Variants in PIK3C2G observed in about 807,000 individuals in gnomAD.
PIK3C2G encodes the protein phosphatidylinositol 3-kinase C2 domain-containing subunit gamma.
A neutral mutation model predicts 181.1 loss-of-function variants in PIK3C2G; 168 were observed. The observed-to-expected ratio is 0.93, with a 90% CI of 0.82 to 1.05. The LOEUF (loss-of-function observed/expected upper bound fraction) is 1.05. PIK3C2G is among the 50% of genes least tolerant of loss of function. The probability of loss-of-function intolerance (pLI) is 0.00; values close to 1 mark genes in which losing one functional copy is unlikely to be tolerated. For missense variants in PIK3C2G, 1,869 were observed against 1,732.8 expected, an observed-to-expected ratio of 1.08 and a Z score of -1.40; for synonymous variants, 573 against 592.2, an observed-to-expected ratio of 0.97 and a Z score of 0.47.
Position 18,463,415 on chromosome 12 carries a change from AAAG to A in PIK3C2G, c.2505-25031_2505-25029del, listed in dbSNP as rs200336102. Among the ~76,000 whole-genome samples, 488 of 152,268 alleles carry A rather than the reference AAAG, an allele frequency of 3.2e-3. 2 individuals carry two copies. The highest frequency in any genetic ancestry group is 0.011 in the African/African-American group (469 of 41,566). On this transcript the variant is annotated intron_variant, in intron 18 of 32. Coordinates refer to ENST00000538779, the MANE Select transcript of PIK3C2G (RefSeq NM_001288772.2). ...AAATTGTTAGACTCCTCTCTGCCATAAAGAAATCTTTCACCTTTAATGCCTCAA... is the reference window on the plus strand; with the variant it reads ...AAATTGTTAGACTCCTCTCTGCCATAAAATCTTTCACCTTTAATGCCTCAA...
At chr12:18,650,730 A>ATATC (rs1565602793), downstream of PIK3C2G, among the ~76,000 whole-genome samples, 35 of 25,184 alleles carry the variant, frequency 1.4e-3, 1 homozygote, top group Non-Finnish European at 2.0e-3. Flanking sequence ...ATATATATAT[A>ATATC]TATATATATA....
At chr12:18,476,402 A>G (rs553577738) in intron 18 of PIK3C2G, among the ~76,000 whole-genome samples, 1 of 152,132 alleles carries the variant, frequency 6.6e-6, no homozygotes, top group African/African-American at 2.4e-5. Context: ...ACAAATCATG[A>G]AGTGCTCTGT....
chr12:18,466,218 C>T (rs1937861741), intron 18 of PIK3C2G, among the ~76,000 whole-genome samples: 1 of 151,078 alleles, frequency 6.6e-6, no homozygotes, highest in South Asian at 2.1e-4. Context: ...CTTTTTTATT[C>T]CCCCTTACTT....
At chr12:18,543,078 C>G (rs754888847) in intron 25 of PIK3C2G, among the ~76,000 whole-genome samples, 3 of 151,950 alleles carry the variant, frequency 2.0e-5, no homozygotes, top group Non-Finnish European at 4.4e-5. Context: ...TTAGTAATAG[C>G]CATTCTGACT....
intron 24 of PIK3C2G, among the ~76,000 whole-genome samples, chr12:18,537,254 T>C (rs1334709785): frequency 6.6e-6 from 1 of 152,038 alleles, no homozygotes; most frequent in Non-Finnish European, 1.5e-5. Flanking sequence ...AAAATAAGAA[T>C]TTCCCTCAAT....
upstream of PIK3C2G, among the ~76,000 whole-genome samples, chr12:18,244,572 G>A (rs10743261): frequency 0.43 from 65,345 of 151,608 alleles, 14,639 homozygotes; most frequent in East Asian, 0.75. Flanking sequence ...TGCATTTTAC[G>A]CTATCTCTAA....
rs185409127 is a variant in PIK3C2G at position 18,285,425 on chromosome 12, G to T, written c.679-1422G>T. The T allele has an allele frequency of 3.9e-5, 6 of 152,060 alleles. No individual in the cohort carries two copies. The East Asian group carries it at 1.2e-3, about 29-fold the overall frequency. 9.4% of individuals were successfully genotyped at this position (152,060 alleles called of 1,614,324 possible). A position where few individuals can be genotyped will look rare whatever the true frequency, so the allele number is the denominator to read the frequency against. ...ATCTAGGAAAGAGTGAAGAGTGATA[G>T]AAATAGTAAATATGTTGAATAATAC... On this transcript the variant is annotated intron_variant, in intron 2 of 32. Coordinates refer to ENST00000538779, the MANE Select transcript of PIK3C2G (RefSeq NM_001288772.2).
At chr12:18,686,198 T>G in the PIK3C2G span, among the ~76,000 whole-genome samples, 26 of 151,982 alleles carry the variant, frequency 1.7e-4, no homozygotes, top group African/African-American at 6.0e-4. Context: ...CACTGAAATT[T>G]TATCCTGACT....
At chr12:18,721,457 A>T in the PIK3C2G span, among the ~76,000 whole-genome samples, 1 of 152,100 alleles carries the variant, frequency 6.6e-6, no homozygotes, top group Non-Finnish European at 1.5e-5. Flanking sequence ...GAGGAAATGG[A>T]TGAACAGTAT....
the PIK3C2G span, chr12:18,683,285 C>T: frequency 6.2e-7 from 1 of 1,612,618 alleles, no homozygotes; most frequent in Non-Finnish European, 8.5e-7. Flanking sequence ...AGGCTCAAGG[C>T]TCTCACCCAT....
intron 6 of PIK3C2G, among the ~76,000 whole-genome samples, chr12:18,314,307 T>C (rs1317820368): frequency 6.6e-6 from 1 of 152,040 alleles, no homozygotes; most frequent in Non-Finnish European, 1.5e-5. Flanking sequence ...AATGTCTGTG[T>C]CCCCCCAAAA....
At chr12:18,423,849 T>C (rs907959113) in intron 17 of PIK3C2G, 96 bp from the exon 18 acceptor site, 12 of 712,672 alleles carry the variant, frequency 1.7e-5, no homozygotes, top group African/African-American at 1.8e-5. Flanking sequence ...ATATGCATGC[T>C]GTTTTCTCTA....
intron 16 of PIK3C2G, among the ~76,000 whole-genome samples, chr12:18,413,370 G>A (rs1329684882): frequency 3.3e-5 from 5 of 152,044 alleles, no homozygotes; most frequent in Non-Finnish European, 7.4e-5. Context: ...AACACTTAGA[G>A]AATAATGAAC....
At chr12:18,349,708 A>C (rs2137687162) in intron 11 of PIK3C2G, among the ~76,000 whole-genome samples, 1 of 152,260 alleles carries the variant, frequency 6.6e-6, no homozygotes, top group African/African-American at 2.4e-5. Flanking sequence ...AGATGAGATA[A>C]ATTTATCGTT....
intron 18 of PIK3C2G, among the ~76,000 whole-genome samples, chr12:18,450,401 C>T (rs926403624): frequency 2.2e-4 from 33 of 152,198 alleles, no homozygotes; most frequent in African/African-American, 7.0e-4. Flanking sequence ...GCTGGGATCA[C>T]AGGTGTGAGC....
At chr12:18,705,242 T>C in the PIK3C2G span, 1 of 1,614,016 alleles carries the variant, frequency 6.2e-7, no homozygotes, top group Non-Finnish European at 8.5e-7. Flanking sequence ...AGCCTGCAAA[T>C]TGTCTGCCAT....
In PIK3C2G at chr12:18,420,923, A is replaced by G; in HGVS notation, c.2316-18A>G. 2.2e-6 allele frequency: 3 copies of G among 1,338,120 alleles called. No individual in the cohort carries two copies. Among genetic ancestry groups the G allele is most frequent in the South Asian group, 1.2e-5 (1 of 85,048 alleles). 82.9% of individuals were successfully genotyped at this position (1,338,120 alleles called of 1,614,324 possible). A position where few individuals can be genotyped will look rare whatever the true frequency, so the allele number is the denominator to read the frequency against. On this transcript the variant is annotated intron_variant, in intron 16 of 32. Coordinates refer to ENST00000538779, the MANE Select transcript of PIK3C2G (RefSeq NM_001288772.2). ...CCTTACCATTAACAGCTTAGTGGATATATTTACTGTGTATTAGTTTTCCAG... is the reference window on the plus strand; with the variant it reads ...CCTTACCATTAACAGCTTAGTGGATGTATTTACTGTGTATTAGTTTTCCAG...
At chr12:18,399,194 C>CAAAGAAAAAAAAAAAA (rs1944088951) in intron 15 of PIK3C2G, among the ~76,000 whole-genome samples, 1 of 80,464 alleles carries the variant, frequency 1.2e-5, no homozygotes, top group Non-Finnish European at 2.7e-5. Flanking sequence ...GACTCCGTCT[C>CAAAGAAAAAAAAAAAA]AAAAAAAAAA....
chr12:18,547,973 G>A (rs1944522157), intron 26 of PIK3C2G, among the ~76,000 whole-genome samples: 1 of 151,952 alleles, frequency 6.6e-6, no homozygotes, highest in Admixed American at 6.6e-5. Context: ...GAACAGAAGG[G>A]CAGCGTCACA....
Sources: gnomAD v4.1 joint callset for allele counts (sites outside exome capture counted in the v4.1 genomes callset) on GRCh38, gnomAD v4.1.1 for gene constraint, MANE v1.5 for transcripts, NCBI Gene and HGNC (gene_info 2026-07-23, HGNC 2026-07-21) for gene names.